Variants in TRPC7 observed in about 807,000 individuals in gnomAD.
TRPC7 encodes short transient receptor potential channel 7.
Under a neutral mutation model 90.1 loss-of-function variants are expected in TRPC7, and 42 were observed. That is an observed-to-expected ratio of 0.47 (90% CI 0.36 to 0.60). The LOEUF (loss-of-function observed/expected upper bound fraction) is 0.60. Among genes scored for constraint, TRPC7 ranks in the 20% least tolerant of loss-of-function variants. The pLI is 0.00. For synonymous variants in TRPC7, 451 were observed against 436.3 expected (o/e 1.03, Z -0.42); for missense variants, 955 against 1,112.3 (o/e 0.86, Z 2.01).
At chr5:136,310,881 A>G (rs1395198347) in intron 3 of TRPC7, among the ~76,000 whole-genome samples, 2 of 152,118 alleles carry the variant, frequency 1.3e-5, no homozygotes, top group Non-Finnish European at 2.9e-5. Flanking sequence ...CAGTGTCTCT[A>G]GACCTCATAG....
At chr5:136,327,077 C>T (rs1269489936) in intron 2 of TRPC7, among the ~76,000 whole-genome samples, 1 of 152,006 alleles carries the variant, frequency 6.6e-6, no homozygotes, top group Non-Finnish European at 1.5e-5. Context: ...CTCTCGATGA[C>T]TAAGGTACAG....
Position 136,231,553 on chromosome 5 carries a change from C to G in TRPC7, c.1845-4G>C, listed in dbSNP as rs1755816530. ...AGTTTTAAAACTTTCTTCAACCCTG[C>G]AAAGAAACAGACGGTCCTTTTACGC... On this transcript the variant is annotated splice_polypyrimidine_tract_variant and splice_region_variant and intron_variant, in intron 7 of 11. Transcript: ENST00000513104. 1.3e-6 allele frequency: 2 copies of G among 1,585,016 alleles called. No individual in the cohort carries two copies. The highest frequency in any genetic ancestry group is 1.7e-6 in the Non-Finnish European group (2 of 1,160,312).
intron 2 of TRPC7, among the ~76,000 whole-genome samples, chr5:136,352,842 T>A (rs372361795): frequency 3.3e-5 from 5 of 152,354 alleles, no homozygotes; most frequent in African/African-American, 1.2e-4. Context: ...GTATGGACTT[T>A]GTGCCCCCAA....
intron 7 of TRPC7, 49 bp from the exon 8 acceptor site, chr5:136,231,598 T>G (rs1166225705): frequency 4.0e-6 from 6 of 1,481,554 alleles, no homozygotes; most frequent in Non-Finnish European, 5.5e-6. Context: ...CAGCTTGAAC[T>G]TTTATTTATT....
chr5:136,282,080 T>A (rs1237226236), intron 3 of TRPC7, among the ~76,000 whole-genome samples: 1 of 152,210 alleles, frequency 6.6e-6, no homozygotes, highest in Non-Finnish European at 1.5e-5. Flanking sequence ...GGTATTAATA[T>A]TGATACAAGA....
At chr5:136,278,487 AGACATGATG>A (rs1445351963) in intron 3 of TRPC7, among the ~76,000 whole-genome samples, 1 of 152,238 alleles carries the variant, frequency 6.6e-6, no homozygotes, top group Non-Finnish European at 1.5e-5. Flanking sequence ...GTTTGCTAGG[AGACATGATG>A]AACAGATAAA....
At chr5:136,246,680 TC>T (rs1756349878) in intron 7 of TRPC7, among the ~76,000 whole-genome samples, 1 of 152,184 alleles carries the variant, frequency 6.6e-6, no homozygotes, top group Non-Finnish European at 1.5e-5. Flanking sequence ...CAGTTTTATT[TC>T]CCTTAGATTG....
At chr5:136,216,172 C>A (rs761772111) in intron 11 of TRPC7, 28 bp downstream of exon 11, 1 of 1,589,904 alleles carries the variant, frequency 6.3e-7, no homozygotes, top group South Asian at 1.1e-5. Context: ...TTTTAAATCA[C>A]CACGTGGGTG....
chr5:136,252,209 A>G lies in TRPC7; in HGVS notation c.1346-327T>C, dbSNP rs773869145. ...AGAACTTTAAGAACTTAAAGAATCAATTAGTCCTAAATTAAATATAGGGAA... is the reference window on the plus strand; with the variant it reads ...AGAACTTTAAGAACTTAAAGAATCAGTTAGTCCTAAATTAAATATAGGGAA... On this transcript the variant is annotated intron_variant, in intron 5 of 11. Transcript: ENST00000513104. Among the ~76,000 whole-genome samples, 57 of 152,302 alleles carry G rather than the reference A, an allele frequency of 3.7e-4. 1 individual carries two copies. Among genetic ancestry groups the G allele is most frequent in the Non-Finnish European group, 7.1e-4 (48 of 68,024 alleles).
chr5:136,358,271 G>C (rs1760454580), intron 1 of TRPC7, among the ~76,000 whole-genome samples: 1 of 152,116 alleles, frequency 6.6e-6, no homozygotes, highest in Admixed American at 6.5e-5. Context: ...TTATATGCTG[G>C]GTCCCCTTCT....
In TRPC7 at chr5:136,213,185, G is replaced by A. The variant is rs147719706; in HGVS notation, c.*250C>T. On this transcript the variant is annotated 3_prime_UTR_variant, in exon 12 of 12. Transcript: ENST00000513104. Reference sequence around the variant, plus strand: ...TGGCTGGACCAAAGGTCTCACACTCGTCAGGGGGCTGTTCCTCCCCTCCTC... The same window carrying A: ...TGGCTGGACCAAAGGTCTCACACTCATCAGGGGGCTGTTCCTCCCCTCCTC... 1,201 of 497,418 alleles carry A rather than the reference G, an allele frequency of 2.4e-3. 7 individuals are homozygous for A. Among genetic ancestry groups the A allele is most frequent in the East Asian group, 0.014 (377 of 27,844 alleles). 30.8% of individuals were successfully genotyped at this position (497,418 alleles called of 1,614,324 possible).
chr5:136,287,333 G>C (rs184411815), intron 3 of TRPC7, among the ~76,000 whole-genome samples: 13 of 151,184 alleles, frequency 8.6e-5, no homozygotes, highest in African/African-American at 3.2e-4. Flanking sequence ...AGGCTTTTTG[G>C]GGGGATTAGG....
chr5:136,333,416 C>T lies in TRPC7; in HGVS notation c.781-17637G>A, dbSNP rs147547885. On this transcript the variant is annotated intron_variant, in intron 2 of 11. Coordinates refer to ENST00000513104, the MANE Select transcript of TRPC7 (RefSeq NM_020389.3). ...AGTAGATGTATAGGTTGTCAGAAGA[C>T]GAGTTAGGAGAAGTTAACAGGAGCT... is the stretch of plus-strand genomic sequence containing the variant. 1.9e-3 allele frequency among the ~76,000 whole-genome samples: 290 copies of T among 152,270 alleles called. No individual in the cohort carries two copies. The South Asian group carries it at 0.021, about 11-fold the overall frequency.
intron 8 of TRPC7, among the ~76,000 whole-genome samples, chr5:136,227,671 A>C (rs1755673571): frequency 6.6e-6 from 1 of 152,180 alleles, no homozygotes; most frequent in Admixed American, 6.5e-5. Flanking sequence ...TAACAGGGAC[A>C]TCCGTCCTGA....
At chr5:136,304,502 A>C (rs1445234325) in intron 3 of TRPC7, among the ~76,000 whole-genome samples, 4 of 152,150 alleles carry the variant, frequency 2.6e-5, no homozygotes, top group Non-Finnish European at 5.9e-5. Flanking sequence ...TGCCAAACCC[A>C]TATACTCTGC....
intron 3 of TRPC7, among the ~76,000 whole-genome samples, chr5:136,303,165 T>C (rs1358790244): frequency 6.6e-6 from 1 of 152,134 alleles, no homozygotes; most frequent in Non-Finnish European, 1.5e-5. Flanking sequence ...TGCTCCTTTT[T>C]CTTTATCCCA....
Position 136,365,240 on chromosome 5 carries a change from C to T in TRPC7, c.2+13G>A, listed in dbSNP as rs1561736417. ...AAAAAAATCAATATGAAAGAACCAT[C>T]ATAGCTGCTTACATTGAGGGTGTAA... On this transcript the variant is annotated intron_variant, in intron 1 of 11. Transcript: ENST00000513104. 4.6e-6 allele frequency: 7 copies of T among 1,537,104 alleles called. No homozygotes were observed. The highest frequency in any genetic ancestry group is 6.1e-6 in the Non-Finnish European group (7 of 1,146,852).
At chr5:136,363,844 C>T (rs148865500) in intron 1 of TRPC7, among the ~76,000 whole-genome samples, 1,657 of 152,100 alleles carry the variant, frequency 0.011, 17 homozygotes, top group Non-Finnish European at 0.017. Flanking sequence ...CTTTTAAAAT[C>T]CTTATTTTCC....
chr5:136,235,531 C>T (rs929215841), intron 7 of TRPC7, among the ~76,000 whole-genome samples: 2 of 152,132 alleles, frequency 1.3e-5, no homozygotes, highest in African/African-American at 2.4e-5. Flanking sequence ...GGAGCTGGCT[C>T]TAATGCCCCA....
Sources: allele counts gnomAD v4.1 joint callset (sites outside exome capture counted in the v4.1 genomes callset), GRCh38; gene constraint gnomAD v4.1.1; transcripts MANE v1.5; gene names NCBI Gene and HGNC (gene_info 2026-07-23, HGNC 2026-07-21).